PGAP4: variants seen among roughly 807,000 people sequenced by gnomAD.
PGAP4 encodes the protein post-GPI attachment to proteins GalNAc transferase 4, also known as GPI-N-acetylgalactosamine transferase PGAP4.
A neutral mutation model predicts 28.2 loss-of-function variants in PGAP4; 12 were observed. The ratio of observed to expected loss-of-function variants is 0.42; its 90% CI spans 0.27 to 0.69. The LOEUF is 0.69. Ranked by LOEUF, PGAP4 falls within the 30% of genes least tolerant of loss-of-function variation. PGAP4 has a pLI of 0.22. For synonymous variants in PGAP4, 205 were observed against 211.8 expected, an observed-to-expected ratio of 0.97 and a Z score of 0.28; for missense variants, 425 against 513.5, an observed-to-expected ratio of 0.83 and a Z score of 1.67.
chr9:101,500,816 C>T (rs570297405), intron 2 of PGAP4, among the ~76,000 whole-genome samples: 89 of 151,962 alleles, frequency 5.9e-4, no homozygotes, highest in Non-Finnish European at 9.9e-4. Context: ...GATCTAGATC[C>T]CCTTCTTGAT....
chr9:101,496,737 T>A (rs918633439), intron 2 of PGAP4, among the ~76,000 whole-genome samples: 6 of 151,090 alleles, frequency 4.0e-5, no homozygotes, highest in Non-Finnish European at 8.9e-5. Context: ...GACACAAATT[T>A]ACCATACAAA....
chr9:101,476,454 A>G lies in PGAP4; in HGVS notation c.639T>C (p.Asp213=). Reference sequence around the variant, plus strand: ...GGAAGATCTGCTCTTCTGGTACAGCATCGTCTTCTACCATCAGGACGTAGT... The same window carrying G: ...GGAAGATCTGCTCTTCTGGTACAGCGTCGTCTTCTACCATCAGGACGTAGT... ...NPDYVLMVED[D]AVPEEQIFPV... is the part of the protein sequence containing the mutation. The change falls in exon 2 of 2, where the codon GAT becomes GAC. Residue 213 remains aspartate, a synonymous_variant. Transcript: ENST00000374848. This position sits in a 1 kb window ranked among gnomAD's most constrained non-coding sequence, Gnocchi z 7.0. 2 of 1,614,118 alleles carry G rather than the reference A, an allele frequency of 1.2e-6. No individual in the cohort carries two copies. Among genetic ancestry groups the G allele is most frequent in the Non-Finnish European group, 1.7e-6 (2 of 1,180,024 alleles).
At chr9:101,482,224 G>A (rs1367477278) in intron 1 of PGAP4, among the ~76,000 whole-genome samples, 1 of 152,244 alleles carries the variant, frequency 6.6e-6, no homozygotes, top group Non-Finnish European at 1.5e-5. Context: ...GAGGCAGGCG[G>A]ATCACGAGGT....
intron 2 of PGAP4, among the ~76,000 whole-genome samples, chr9:101,511,900 A>G (rs150421210): frequency 6.6e-6 from 1 of 152,134 alleles, no homozygotes; most frequent in African/African-American, 2.4e-5. Context: ...TTCCTGGTGC[A>G]TGCTCTCAAA....
At chr9:101,515,993 T>A (rs919615830) in intron 2 of PGAP4, among the ~76,000 whole-genome samples, 1 of 152,122 alleles carries the variant, frequency 6.6e-6, no homozygotes, top group African/African-American at 2.4e-5. Flanking sequence ...TTATCTTGAT[T>A]TAGTGGTTCT....
At chr9:101,483,411 A>G (rs371213709) in intron 1 of PGAP4, among the ~76,000 whole-genome samples, 7 of 152,246 alleles carry the variant, frequency 4.6e-5, no homozygotes, top group African/African-American at 1.7e-4. Flanking sequence ...TATTAAGCCC[A>G]TTTTATACTT....
intron 1 of PGAP4, among the ~76,000 whole-genome samples, chr9:101,480,941 C>G (rs569469952): frequency 6.6e-6 from 1 of 152,284 alleles, no homozygotes; most frequent in Non-Finnish European, 1.5e-5. Context: ...CTTTAGGAGG[C>G]TGAGGCAGGT....
chr9:101,498,801 G>T (rs988598778), intron 2 of PGAP4, among the ~76,000 whole-genome samples: 4 of 151,926 alleles, frequency 2.6e-5, no homozygotes, highest in African/African-American at 9.7e-5. Context: ...GGAATATCAG[G>T]GGTTTAAATT....
chr9:101,505,534 G>C (rs553628880), intron 2 of PGAP4, among the ~76,000 whole-genome samples: 1 of 152,012 alleles, frequency 6.6e-6, no homozygotes, highest in East Asian at 1.9e-4. Context: ...CCAGCCTACT[G>C]ACCCTCTGTC....
chr9:101,476,868 A>C lies in PGAP4; in HGVS notation c.225T>G (p.Ala75=), dbSNP rs960211512. Residue 75 remains alanine, a synonymous_variant, in exon 2 of 2, where the codon GCT becomes GCG. Coordinates refer to ENST00000374848, the MANE Select transcript of PGAP4 (RefSeq NM_032342.3). The surrounding 1 kb of genome is among the most constrained non-coding windows in gnomAD (Gnocchi z 7.0). ...GAAGCTCCTCAAAATAGTGGAGGGC[A>C]GCCTCACCCTCTTTCAAGCTTTGCT... The part of the protein sequence containing the change: ...FLQQSLKEGE[A]ALHYFEELPS... The C allele has an allele frequency of 9.9e-6, 16 of 1,611,478 alleles. No individual in the cohort carries two copies. The highest frequency in any genetic ancestry group is 1.3e-5 in the Non-Finnish European group (15 of 1,178,718).
intron 2 of PGAP4, among the ~76,000 whole-genome samples, chr9:101,502,519 T>C (rs184187056): frequency 1.4e-3 from 208 of 152,122 alleles, no homozygotes; most frequent in Middle Eastern, 0.014. Context: ...ATGACAGACA[T>C]TGAGATTTAT....
chr9:101,477,135 C>T lies in PGAP4; in HGVS notation c.-43G>A, dbSNP rs754692558. On this transcript the variant is annotated 5_prime_UTR_variant, in exon 2 of 2. Transcript: ENST00000374848. The stretch of plus-strand genomic sequence containing the variant: ...ATGTCTGGTCCCAAGAAAAAACCAT[C>T]CTGGAACTCAGGCCAGAGTCATCAG... 29 of 1,515,198 alleles carry T rather than the reference C, an allele frequency of 1.9e-5. No homozygotes were observed. The highest frequency in any genetic ancestry group is 2.5e-5 in the Non-Finnish European group (28 of 1,134,732). The allele number at this position is 1,515,198 out of a possible 1,614,324, so 93.9% of individuals were successfully genotyped here. A position where few individuals can be genotyped will look rare whatever the true frequency, so the allele number is the denominator to read the frequency against.
In PGAP4 at chr9:101,475,708, G is replaced by A. The variant is rs1826278844; in HGVS notation, c.*173C>T. ...TGTGGCAAACTGCTGCTCCTGCCAG[G>A]AGGCTACCAAAGCCAAGGCTCTTAA... On this transcript the variant is annotated 3_prime_UTR_variant, in exon 2 of 2. Coordinates refer to ENST00000374848, the MANE Select transcript of PGAP4 (RefSeq NM_032342.3). The A allele has an allele frequency of 1.5e-5, 10 of 687,554 alleles. No individual in the cohort carries two copies. The South Asian group carries it at 1.8e-4, about 12-fold the overall frequency. The allele number at this position is 687,554 out of a possible 1,614,324, so 42.6% of individuals were successfully genotyped here. A position where few individuals can be genotyped will look rare whatever the true frequency, so the allele number is the denominator to read the frequency against.
upstream of PGAP4, among the ~76,000 whole-genome samples, chr9:101,488,607 TA>T (rs1335300583): frequency 6.6e-6 from 1 of 152,222 alleles, no homozygotes; most frequent in East Asian, 1.9e-4. Flanking sequence ...GGTTGGTAGT[TA>T]TTCACTTGTT....
intron 1 of PGAP4, among the ~76,000 whole-genome samples, chr9:101,477,375 T>C (rs1183847830): frequency 2.0e-5 from 3 of 152,164 alleles, no homozygotes; most frequent in Non-Finnish European, 4.4e-5. Context: ...TCTGGATGTT[T>C]TTATTATTTC....
At chr9:101,514,939 T>C (rs376383514) in intron 2 of PGAP4, among the ~76,000 whole-genome samples, 3 of 152,320 alleles carry the variant, frequency 2.0e-5, no homozygotes, top group Admixed American at 6.5e-5. Context: ...AAGTTTCTGC[T>C]TTGAGGAGGG....
rs2118468986 is a variant in PGAP4 at position 101,473,876 on chromosome 9, G to A, written c.*2005C>T. The A allele has an allele frequency of 6.6e-6, 1 of 152,354 alleles. No individual in the cohort carries two copies. The highest frequency in any genetic ancestry group is 3.4e-3 in the Middle Eastern group (1 of 296). 9.4% of individuals were successfully genotyped at this position (152,354 alleles called of 1,614,324 possible). ...AGGTCACTGAGAGAGGAGGAATGAA[G>A]GAGTGGGATCTGAACATTGTAATAA... On this transcript the variant is annotated 3_prime_UTR_variant, in exon 2 of 2. Transcript: ENST00000374848.
intron 2 of PGAP4, among the ~76,000 whole-genome samples, chr9:101,518,262 A>G (rs908732855): frequency 6.6e-6 from 1 of 151,978 alleles, no homozygotes; most frequent in Non-Finnish European, 1.5e-5. Context: ...TATGTAGCAC[A>G]TTTTCTTTAT....
chr9:101,477,147 G>C lies in PGAP4; in HGVS notation c.-55C>G. On this transcript the variant is annotated 5_prime_UTR_variant, in exon 2 of 2. Transcript: ENST00000374848. ...AAGAAAAAACCATCCTGGAACTCAG[G>C]CCAGAGTCATCAGAAATCAAACCTA... 1.3e-6 allele frequency: 2 copies of C among 1,498,920 alleles called. No homozygotes were observed. Among genetic ancestry groups the C allele is most frequent in the South Asian group, 2.8e-5 (2 of 71,880 alleles). 92.9% of individuals were successfully genotyped at this position (1,498,920 alleles called of 1,614,324 possible). A position where few individuals can be genotyped will look rare whatever the true frequency, so the allele number is the denominator to read the frequency against.
Sources: allele counts gnomAD v4.1 joint callset (sites outside exome capture counted in the v4.1 genomes callset), GRCh38; gene constraint gnomAD v4.1.1; non-coding constraint Gnocchi (gnomAD v3.1); transcripts MANE v1.5; gene names NCBI Gene and HGNC (gene_info 2026-07-23, HGNC 2026-07-21).